Variants in PPP1CB observed in about 807,000 individuals in gnomAD.
PPP1CB encodes protein phosphatase 1 catalytic subunit beta.
In PPP1CB, 2 loss-of-function variants were observed where a neutral mutation model predicts 43.7. The ratio of observed to expected loss-of-function variants is 0.05; its 90% CI spans 0.02 to 0.14. The LOEUF is 0.14. Ranked by LOEUF, PPP1CB falls within the 10% of genes least tolerant of loss-of-function variation. The pLI is 1.00. For missense variants in PPP1CB, 84 were observed against 398.0 expected, an observed-to-expected ratio of 0.21 and a Z score of 6.71; for synonymous variants, 136 against 135.6, an observed-to-expected ratio of 1.00 and a Z score of -0.02.
intron 1 of PPP1CB, among the ~76,000 whole-genome samples, chr2:28,761,565 C>T (rs1666651201): frequency 6.6e-6 from 1 of 152,196 alleles, no homozygotes; most frequent in Non-Finnish European, 1.5e-5. Flanking sequence ...ACAGAGAGCT[C>T]TTTGTGCCAC....
At chr2:28,788,875 G>A (rs945232212) in intron 6 of PPP1CB, 66 bp downstream of exon 6, 9 of 1,425,152 alleles carry the variant, frequency 6.3e-6, no homozygotes, top group African/African-American at 1.4e-5. Context: ...AGACGGAGGG[G>A]CAGACAGATT....
chr2:28,754,190 G>A (rs1056135969), intron 1 of PPP1CB, among the ~76,000 whole-genome samples: 3 of 151,716 alleles, frequency 2.0e-5, no homozygotes, highest in Non-Finnish European at 2.9e-5. Flanking sequence ...TAAATTAGAC[G>A]CACCTTTATA....
At chr2:28,754,524 G>A (rs1290500349) in intron 1 of PPP1CB, among the ~76,000 whole-genome samples, 1 of 152,056 alleles carries the variant, frequency 6.6e-6, no homozygotes, top group Non-Finnish European at 1.5e-5. Context: ...CCTCCTCTCT[G>A]TCCTATGTTC....
At chr2:28,756,542 G>T (rs1666492810) in intron 1 of PPP1CB, among the ~76,000 whole-genome samples, 1 of 152,202 alleles carries the variant, frequency 6.6e-6, no homozygotes, top group Non-Finnish European at 1.5e-5. Flanking sequence ...GGAATGCAGT[G>T]GCTTGATCAT....
At chr2:28,771,050 C>G (rs1271987511) in intron 1 of PPP1CB, among the ~76,000 whole-genome samples, 2 of 96,374 alleles carry the variant, frequency 2.1e-5, no homozygotes, top group African/African-American at 3.9e-5. Flanking sequence ...TCCCCCCCCC[C>G]CACCCTTTTT....
chr2:28,776,161 A>G (rs1434785083), intron 1 of PPP1CB, among the ~76,000 whole-genome samples: 1 of 151,460 alleles, frequency 6.6e-6, no homozygotes, highest in Non-Finnish European at 1.5e-5. Context: ...CTGTTTTGAC[A>G]TCCTACTAGA....
At chr2:28,780,084 C>CTTTTTTTTTTTTTTTT (rs10559224) in intron 3 of PPP1CB, among the ~76,000 whole-genome samples, 11 of 131,794 alleles carry the variant, frequency 8.3e-5, no homozygotes, top group East Asian at 7.6e-4. Flanking sequence ...TCTTTTCTTT[C>CTTTTTTTTTTTTTTTT]TTTTTTTTTT....
At chr2:28,774,810 G>A (rs1666998213) in intron 1 of PPP1CB, among the ~76,000 whole-genome samples, 2 of 152,076 alleles carry the variant, frequency 1.3e-5, no homozygotes, top group Non-Finnish European at 2.9e-5. Flanking sequence ...ACCCAAATAT[G>A]CATCAGAAGT....
chr2:28,794,312 G>C (rs1317250350), intron 7 of PPP1CB, among the ~76,000 whole-genome samples: 1 of 152,194 alleles, frequency 6.6e-6, no homozygotes, highest in African/African-American at 2.4e-5. Flanking sequence ...GTAATGAATA[G>C]TTTAGGCTTT....
intron 1 of PPP1CB, among the ~76,000 whole-genome samples, chr2:28,757,607 A>G (rs1470911741): frequency 6.6e-6 from 1 of 152,182 alleles, no homozygotes; most frequent in African/African-American, 2.4e-5. Context: ...ACTTGTTAGA[A>G]AAAAGAGCAT....
chr2:28,781,232 A>G (rs1667152754), intron 3 of PPP1CB, among the ~76,000 whole-genome samples: 1 of 152,066 alleles, frequency 6.6e-6, no homozygotes, highest in Non-Finnish European at 1.5e-5. Context: ...ATTTGTCAGA[A>G]ATTCTATGTA....
chr2:28,775,417 T>C (rs1667016282), intron 1 of PPP1CB, among the ~76,000 whole-genome samples: 1 of 152,170 alleles, frequency 6.6e-6, no homozygotes, highest in Non-Finnish European at 1.5e-5. Flanking sequence ...CCTTTATTTT[T>C]ATTTTGCAGA....
At chr2:28,752,521 C>G (rs976164875) in intron 1 of PPP1CB, among the ~76,000 whole-genome samples, 1 of 152,166 alleles carries the variant, frequency 6.6e-6, no homozygotes, top group African/African-American at 2.4e-5. Flanking sequence ...TCCGGTGACC[C>G]GAGGATGGGG....
chr2:28,774,244 G>T (rs908962275), intron 1 of PPP1CB, among the ~76,000 whole-genome samples: 2 of 152,172 alleles, frequency 1.3e-5, no homozygotes, highest in Non-Finnish European at 2.9e-5. Flanking sequence ...TTTTGACTTA[G>T]TAGTCAAGTT....
At chr2:28,768,240 T>A (rs1469959413) in intron 1 of PPP1CB, among the ~76,000 whole-genome samples, 1 of 152,150 alleles carries the variant, frequency 6.6e-6, no homozygotes, top group African/African-American at 2.4e-5. Context: ...AGACATTTCC[T>A]AGTTTGTGGC....
At chr2:28,781,640 A>G (rs1667160172) in intron 3 of PPP1CB, 98 bp from the exon 4 acceptor site, 2 of 827,644 alleles carry the variant, frequency 2.4e-6, no homozygotes, top group Non-Finnish European at 3.9e-6. Flanking sequence ...ACATGAAGAA[A>G]TGAAGAAAAT....
chr2:28,798,935 GA>G (rs934697016), intron 7 of PPP1CB, among the ~76,000 whole-genome samples: 3 of 133,842 alleles, frequency 2.2e-5, no homozygotes, highest in Non-Finnish European at 4.9e-5. Flanking sequence ...TCACAACAGA[GA>G]TACACTAAGT....
chr2:28,794,245 A>T (rs1667448458), intron 7 of PPP1CB, among the ~76,000 whole-genome samples: 1 of 152,196 alleles, frequency 6.6e-6, no homozygotes, highest in Non-Finnish European at 1.5e-5. Context: ...CAGATGTTTT[A>T]ATTGTTAAAA....
chr2:28,763,378 G>A (rs1334282116), intron 1 of PPP1CB, among the ~76,000 whole-genome samples: 1 of 151,860 alleles, frequency 6.6e-6, no homozygotes. Flanking sequence ...CCACTGACTT[G>A]GTGTGTACTG....
Sources: allele counts gnomAD v4.1 joint callset (sites outside exome capture counted in the v4.1 genomes callset), GRCh38; gene constraint gnomAD v4.1.1; transcripts MANE v1.5; gene names NCBI Gene and HGNC (gene_info 2026-07-23, HGNC 2026-07-21).